IFI27L1: variants seen among roughly 807,000 people sequenced by gnomAD.
The protein encoded by IFI27L1 is interferon alpha-inducible protein 27-like protein 1.
A neutral mutation model predicts 9.2 loss-of-function variants in IFI27L1; 3 were observed. That is an observed-to-expected ratio of 0.32 (90% CI 0.15 to 0.84). The LOEUF (loss-of-function observed/expected upper bound fraction) is 0.84. IFI27L1 is among the 40% of genes least tolerant of loss of function. The pLI, the probability that IFI27L1 is intolerant of heterozygous loss-of-function variation, is 0.56. For missense variants in IFI27L1, 133 were observed against 134.2 expected, an observed-to-expected ratio of 0.99 and a Z score of 0.05; for synonymous variants, 53 against 50.0, an observed-to-expected ratio of 1.06 and a Z score of -0.26.
rs528926458 is a variant in IFI27L1, at chr14:94,101,841, C to G, written c.89C>G (p.Ala30Gly). 1.2e-6 allele frequency: 2 copies of G among 1,614,246 alleles called. No individual in the cohort carries two copies. Among genetic ancestry groups the G allele is most frequent in the African/African-American group, 2.7e-5 (2 of 75,068 alleles). The change falls in exon 4 of 5, where the codon GCG becomes GGG. Residue 30 changes from alanine (A) to glycine (G), a missense_variant. Physicochemically the swap from Ala to Gly is moderately conservative, Grantham distance 60. Transcript: ENST00000555523. The part of the protein sequence containing the change: ...GVVAVGTVLV[A>G]LSAMGFTSVG... ...GTGGCTGTGGGGACTGTGCTCGTGG[C>G]GCTCAGTGCCATGGGCTTCACCTCA... is the stretch of plus-strand genomic sequence containing the variant.
At position 94,100,732 on chromosome 14, in the gene IFI27L1, T is replaced by C; in HGVS notation, c.29-7T>C. On this transcript the variant is annotated splice_region_variant and splice_polypyrimidine_tract_variant and intron_variant, in intron 2 of 4. Coordinates refer to ENST00000555523, the MANE Select transcript of IFI27L1 (RefSeq NM_206949.3). ...TTTGTTGTTGTTGTTGTTGTTTTTG[T>C]CTCCAGGCAGGGCTGCTGTAGCAGC... The C allele has an allele frequency of 6.2e-7, 1 of 1,613,222 alleles. No homozygotes were observed. Among genetic ancestry groups the C allele is most frequent in the Non-Finnish European group, 8.5e-7 (1 of 1,179,926 alleles).
At chr14:94,097,006 G>A (rs371882027) in intron 2 of IFI27L1, 41 bp downstream of exon 2, 7 of 1,559,848 alleles carry the variant, frequency 4.5e-6, no homozygotes, top group African/African-American at 2.7e-5. Flanking sequence ...TGGTCCTTCC[G>A]AGGTGAATGC....
chr14:94,094,320 T>C (rs891901461), intron 1 of IFI27L1, among the ~76,000 whole-genome samples: 5 of 152,034 alleles, frequency 3.3e-5, no homozygotes, highest in African/African-American at 1.2e-4. Context: ...CATTGGGAGC[T>C]TTTTTCTCTC....
intron 1 of IFI27L1, among the ~76,000 whole-genome samples, chr14:94,087,975 A>T (rs1400570881): frequency 1.3e-5 from 2 of 152,198 alleles, no homozygotes; most frequent in Non-Finnish European, 1.5e-5. Flanking sequence ...TCCTTTCCTC[A>T]TGCAAACACT....
At chr14:94,092,296 G>C (rs530416224) in intron 1 of IFI27L1, among the ~76,000 whole-genome samples, 3 of 151,980 alleles carry the variant, frequency 2.0e-5, no homozygotes, top group Admixed American at 6.6e-5. Flanking sequence ...GGCGGATCAC[G>C]AGGTCAGGAG....
chr14:94,100,886 A>G lies in IFI27L1; in HGVS notation c.61+115A>G, dbSNP rs562024802. 4.3e-6 allele frequency: 5 copies of G among 1,162,518 alleles called. No homozygotes were observed. In the South Asian group the frequency reaches 6.1e-5, roughly 14 times the overall value. 72.0% of individuals were successfully genotyped at this position (1,162,518 alleles called of 1,614,324 possible). A position where few individuals can be genotyped will look rare whatever the true frequency, so the allele number is the denominator to read the frequency against. ...AGGATTCTCCAAGACATAGCTGGGT[A>G]GCGGTGGAGTGGGCAGAGTGATGGG... On this transcript the variant is annotated intron_variant, in intron 3 of 4. Transcript: ENST00000555523.
chr14:94,083,031 T>C (rs1035260013), intron 1 of IFI27L1, among the ~76,000 whole-genome samples: 2 of 152,252 alleles, frequency 1.3e-5, no homozygotes, highest in African/African-American at 4.8e-5. Flanking sequence ...AAGGGTTCAC[T>C]ATTTTAGATA....
intron 1 of IFI27L1, among the ~76,000 whole-genome samples, chr14:94,096,255 T>C (rs1886659196): frequency 6.6e-6 from 1 of 152,154 alleles, no homozygotes; most frequent in Non-Finnish European, 1.5e-5. Context: ...GATGGATGGG[T>C]AAACACCATG....
intron 3 of IFI27L1, 105 bp downstream of exon 3, chr14:94,100,876 A>G (rs1271582210): frequency 1.3e-5 from 17 of 1,264,940 alleles, no homozygotes; most frequent in Non-Finnish European, 1.8e-5. Context: ...TCTCCAAGAC[A>G]TAGCTGGGTA....
In IFI27L1 at chr14:94,096,014, A is replaced by C. The variant is rs1886652209; in HGVS notation, c.-51-873A>C. On this transcript the variant is annotated intron_variant, in intron 1 of 4. Coordinates refer to ENST00000555523, the MANE Select transcript of IFI27L1 (RefSeq NM_206949.3). ...CAAGCGAGATTGGGAATGTGTGGCC[A>C]GGGAAGTCTTCCTGGAGAATATGTA... 2.0e-5 allele frequency among the ~76,000 whole-genome samples: 3 copies of C among 152,364 alleles called. No individual in the cohort carries two copies. In the South Asian group the frequency reaches 6.2e-4, roughly 32 times the overall value.
rs1886947082 is a variant in IFI27L1, at chr14:94,102,634, A to C, written c.*66A>C. 2.2e-6 allele frequency: 2 copies of C among 895,688 alleles called. No individual in the cohort carries two copies. The highest frequency in any genetic ancestry group is 1.9e-5 in the South Asian group (1 of 52,924). 55.5% of individuals were successfully genotyped at this position (895,688 alleles called of 1,614,324 possible). A position where few individuals can be genotyped will look rare whatever the true frequency, so the allele number is the denominator to read the frequency against. On this transcript the variant is annotated 3_prime_UTR_variant, in exon 5 of 5. Transcript: ENST00000555523. ...TGACTTTCCTGGGCCTCTGGATGAC[A>C]ATCTTCCAAAGGACAAGTCTCCTAC...
At chr14:94,099,609 G>T (rs1419426310) in intron 2 of IFI27L1, among the ~76,000 whole-genome samples, 2 of 152,130 alleles carry the variant, frequency 1.3e-5, no homozygotes, top group African/African-American at 2.4e-5. Context: ...CTCCTGGATT[G>T]TGGACTTCCA....
In IFI27L1 at chr14:94,091,348, A is replaced by G. The variant is rs536967264; in HGVS notation, c.-51-5539A>G. Among the ~76,000 whole-genome samples the G allele has an allele frequency of 2.0e-5, 3 of 152,350 alleles. No homozygotes were observed. In the South Asian group the frequency reaches 6.2e-4, roughly 32 times the overall value. ...ACAATTTTACATAACAATTATAACTATTAGTAGCATACACTAAGTCATATC... is the reference window on the plus strand; with the variant it reads ...ACAATTTTACATAACAATTATAACTGTTAGTAGCATACACTAAGTCATATC... On this transcript the variant is annotated intron_variant, in intron 1 of 4. Coordinates refer to ENST00000555523, the MANE Select transcript of IFI27L1 (RefSeq NM_206949.3).
intron 3 of IFI27L1, 119 bp from the exon 4 acceptor site, chr14:94,101,695 C>T: frequency 9.9e-7 from 1 of 1,010,308 alleles, no homozygotes; most frequent in Non-Finnish European, 1.5e-6. Flanking sequence ...GATCCCATCC[C>T]TGCTCAGTCT....
intron 2 of IFI27L1, chr14:94,097,561 G>C (rs1271783948): frequency 1.4e-6 from 1 of 697,712 alleles, no homozygotes; most frequent in Non-Finnish European, 2.6e-6. Flanking sequence ...GGCCAGAGCA[G>C]AGGCAGAGAG....
chr14:94,097,027 C>T, intron 2 of IFI27L1, 62 bp downstream of exon 2: 2 of 1,394,834 alleles, frequency 1.4e-6, no homozygotes, highest in Non-Finnish European at 2.0e-6. Context: ...ACTTTGTGTC[C>T]CACTCTTCTG....
At chr14:94,093,486 A>C (rs1886557251) in intron 1 of IFI27L1, among the ~76,000 whole-genome samples, 1 of 152,066 alleles carries the variant, frequency 6.6e-6, no homozygotes, top group Non-Finnish European at 1.5e-5. Flanking sequence ...TGCATTTCTT[A>C]TGAACTTCAT....
intron 3 of IFI27L1, chr14:94,101,158 G>A: frequency 2.5e-6 from 1 of 397,322 alleles, no homozygotes; most frequent in East Asian, 4.2e-5. Flanking sequence ...ACAAATGCTG[G>A]TAGCCCATCC....
chr14:94,093,230 C>T (rs1595392645), intron 1 of IFI27L1, among the ~76,000 whole-genome samples: 1 of 136,044 alleles, frequency 7.4e-6, no homozygotes, highest in East Asian at 2.2e-4. Flanking sequence ...GCAGTGGCAT[C>T]ATCTCAGCTC....
Sources: gnomAD v4.1 joint callset for allele counts (sites outside exome capture counted in the v4.1 genomes callset) on GRCh38, gnomAD v4.1.1 for gene constraint, MANE v1.5 for transcripts, NCBI Gene and HGNC (gene_info 2026-07-23, HGNC 2026-07-21) for gene names.